Variants in NUP210 observed in about 807,000 individuals in gnomAD.
The protein encoded by NUP210 is nuclear pore membrane glycoprotein 210.
In NUP210, 151 loss-of-function variants were observed where a neutral mutation model predicts 196.0. The observed-to-expected ratio is 0.77, with a 90% CI of 0.67 to 0.88. NUP210 has a LOEUF of 0.88. Among genes scored for constraint, NUP210 ranks in the 40% least tolerant of loss-of-function variants. The probability of loss-of-function intolerance (pLI) is 0.00; values close to 1 mark genes in which losing one functional copy is unlikely to be tolerated. For missense variants in NUP210, 2,314 were observed against 2,493.7 expected (o/e 0.93, Z 1.53); for synonymous variants, 1,070 against 1,052.7 (o/e 1.02, Z -0.32).
chr3:13,417,609 C>A (rs1015886886), intron 1 of NUP210, among the ~76,000 whole-genome samples: 1 of 152,212 alleles, frequency 6.6e-6, no homozygotes, highest in African/African-American at 2.4e-5. Context: ...TAGACGACTA[C>A]ACTAGGAACA....
chr3:13,396,543 TC>T (rs1699660080), intron 3 of NUP210, among the ~76,000 whole-genome samples: 1 of 143,722 alleles, frequency 7.0e-6, no homozygotes, highest in Non-Finnish European at 1.5e-5. Flanking sequence ...AGGTCAGGAG[TC>T]CAAGACCAGC....
intron 15 of NUP210, among the ~76,000 whole-genome samples, chr3:13,359,343 A>C (rs951484896): frequency 1.3e-5 from 2 of 152,082 alleles, no homozygotes; most frequent in Non-Finnish European, 2.9e-5. Context: ...TATTCTTCTT[A>C]TTGTATTATT....
intron 14 of NUP210, among the ~76,000 whole-genome samples, chr3:13,360,701 C>T (rs1018676597): frequency 7.2e-5 from 11 of 152,166 alleles, no homozygotes; most frequent in South Asian, 2.1e-4. Flanking sequence ...GAATTAAGCC[C>T]TCACTCTGAC....
At position 13,363,994 on chromosome 3, in the gene NUP210, G is replaced by A. The variant is rs897287159; in HGVS notation, c.1932+1952C>T. Among the ~76,000 whole-genome samples, 5 of 152,070 alleles carry A rather than the reference G, an allele frequency of 3.3e-5. No homozygotes were observed. In the East Asian group the frequency reaches 5.8e-4, roughly 18 times the overall value. ...CAACCCCAGAATGCCTGCTGTGCTC[G>A]GGGATTTCAACTCTCTCCACTCTGC... On this transcript the variant is annotated intron_variant, in intron 14 of 39. Transcript: ENST00000254508.
At chr3:13,383,560 T>C (rs1254000790) in intron 6 of NUP210, among the ~76,000 whole-genome samples, 1 of 135,968 alleles carries the variant, frequency 7.4e-6, no homozygotes, top group Non-Finnish European at 1.5e-5. Context: ...TCTCACTCTG[T>C]CGCCCAGGCT....
chr3:13,338,257 G>T (rs1393067213), intron 25 of NUP210, among the ~76,000 whole-genome samples: 1 of 152,178 alleles, frequency 6.6e-6, no homozygotes, highest in African/African-American at 2.4e-5. Context: ...TCAAGCAAAA[G>T]GTCTCCAGGC....
At chr3:13,358,117 G>A (rs930092986) in intron 16 of NUP210, 105 bp downstream of exon 16, 1 of 1,009,392 alleles carries the variant, frequency 9.9e-7, no homozygotes, top group African/African-American at 1.6e-5. Context: ...GTGCAGCGTG[G>A]AGCTATGTCC....
At chr3:13,334,265 G>A (rs940569230) in intron 28 of NUP210, among the ~76,000 whole-genome samples, 2 of 152,220 alleles carry the variant, frequency 1.3e-5, no homozygotes, top group African/African-American at 2.4e-5. Flanking sequence ...ACAGAATTTG[G>A]AAGCTGCAAA....
chr3:13,321,852 G>A lies in NUP210; in HGVS notation c.4916-17C>T, dbSNP rs1696544938. The A allele has an allele frequency of 3.8e-6, 6 of 1,598,858 alleles. No homozygotes were observed. The highest frequency in any genetic ancestry group is 4.2e-6 in the Non-Finnish European group (5 of 1,177,848). On this transcript the variant is annotated splice_polypyrimidine_tract_variant and intron_variant, in intron 35 of 39. Coordinates refer to ENST00000254508, the MANE Select transcript of NUP210 (RefSeq NM_024923.4). Reference sequence around the variant, plus strand: ...AGTACTGGCCTGCGAAGACAAGGGTGTATTGTCTTGTCCCCTCTCCTGCCC... The same window carrying A: ...AGTACTGGCCTGCGAAGACAAGGGTATATTGTCTTGTCCCCTCTCCTGCCC...
rs767783506 is a variant in NUP210, at chr3:13,340,216, C to T, written c.3291+20G>A. 31 of 1,613,148 alleles carry T rather than the reference C, an allele frequency of 1.9e-5. No homozygotes were observed. The highest frequency in any genetic ancestry group is 1.1e-4 in the South Asian group (10 of 91,084). Reference sequence around the variant, plus strand: ...GGCCTGCACTGGGGCTGGAGCAGGACGTGGCCTCTTGGCTCTCACCTGCAT... The same window carrying T: ...GGCCTGCACTGGGGCTGGAGCAGGATGTGGCCTCTTGGCTCTCACCTGCAT... On this transcript the variant is annotated intron_variant, in intron 24 of 39. Coordinates refer to ENST00000254508, the MANE Select transcript of NUP210 (RefSeq NM_024923.4). The surrounding 1 kb of genome is among the most constrained non-coding windows in gnomAD (Gnocchi z 4.0).
At chr3:13,355,235 GAGGGGGATCCTGC>G (rs1355113521) in intron 16 of NUP210, among the ~76,000 whole-genome samples, 1 of 152,226 alleles carries the variant, frequency 6.6e-6, no homozygotes, top group Non-Finnish European at 1.5e-5. Context: ...CATTCGGGGA[GAGGGGGATCCTGC>G]AGGAAGAACT....
intron 6 of NUP210, among the ~76,000 whole-genome samples, chr3:13,385,000 G>C (rs569541575): frequency 6.6e-6 from 1 of 152,148 alleles, no homozygotes; most frequent in African/African-American, 2.4e-5. Flanking sequence ...CCTGCTGAAG[G>C]GCAGATGCTG....
At chr3:13,388,165 C>T (rs1699348241) in intron 5 of NUP210, 138 bp downstream of exon 5, 4 of 650,410 alleles carry the variant, frequency 6.1e-6, no homozygotes, top group Non-Finnish European at 1.0e-5. Flanking sequence ...AAATATGAAC[C>T]CACATCCTGA....
intron 37 of NUP210, 143 bp from the exon 38 acceptor site, chr3:13,319,468 C>T: frequency 1.3e-6 from 1 of 745,244 alleles, no homozygotes; most frequent in East Asian, 2.7e-5. Context: ...GGCCAGGCCA[C>T]CTGCTGGAGG....
rs141486092 is a variant in NUP210 at position 13,350,173 on chromosome 3, A to AGTGTGT, written c.2835+1700_2835+1705dup. ...TATCAGAGACTTCTTACTGGGGAAA[A>AGTGTGT]GTGTGTGTGTGTGGGTGCGTGTGTG... On this transcript the variant is annotated intron_variant, in intron 20 of 39. Coordinates refer to ENST00000254508, the MANE Select transcript of NUP210 (RefSeq NM_024923.4). The surrounding 1 kb of genome is among the most constrained non-coding windows in gnomAD (Gnocchi z 4.1). Among the ~76,000 whole-genome samples the AGTGTGT allele has an allele frequency of 6.6e-6, 1 of 151,716 alleles. No individual in the cohort carries two copies. The highest frequency in any genetic ancestry group is 1.5e-5 in the Non-Finnish European group (1 of 67,856).
intron 3 of NUP210, among the ~76,000 whole-genome samples, chr3:13,395,725 C>A (rs1337934658): frequency 6.6e-6 from 1 of 152,116 alleles, no homozygotes; most frequent in Admixed American, 6.5e-5. Flanking sequence ...TCACACTTGG[C>A]GGTTATGAAT....
chr3:13,371,714 T>C (rs1379550281), intron 13 of NUP210, 120 bp downstream of exon 13: 2 of 877,786 alleles, frequency 2.3e-6, no homozygotes, highest in Non-Finnish European at 3.6e-6. Context: ...CCATTCCTTA[T>C]GTTGCAGCCC....
intron 28 of NUP210, among the ~76,000 whole-genome samples, chr3:13,333,098 G>T (rs1180653064): frequency 6.6e-6 from 1 of 152,192 alleles, no homozygotes; most frequent in Non-Finnish European, 1.5e-5. Flanking sequence ...ACACACAGGG[G>T]CCTGGTGAGG....
intron 13 of NUP210, among the ~76,000 whole-genome samples, chr3:13,368,513 G>A (rs546325989): frequency 6.6e-6 from 1 of 152,180 alleles, no homozygotes; most frequent in East Asian, 1.9e-4. Context: ...AATGGATGTC[G>A]CCACCATCCA....
Sources: allele counts gnomAD v4.1 joint callset (sites outside exome capture counted in the v4.1 genomes callset), GRCh38; gene constraint gnomAD v4.1.1; non-coding constraint Gnocchi (gnomAD v3.1); transcripts MANE v1.5; gene names NCBI Gene and HGNC (gene_info 2026-07-23, HGNC 2026-07-21).